Variants in TMCO4 observed in about 807,000 individuals in gnomAD.
TMCO4 encodes transmembrane and coiled-coil domains 4.
TMCO4 carries 58 observed loss-of-function variants against 64.7 expected under a neutral mutation model. The ratio of observed to expected loss-of-function variants is 0.90; its 90% CI spans 0.73 to 1.12. The LOEUF (loss-of-function observed/expected upper bound fraction) is 1.12. TMCO4 is among the 50% of genes most tolerant of loss of function. The pLI, the probability that TMCO4 is intolerant of heterozygous loss-of-function variation, is 0.00. For synonymous variants in TMCO4, 325 were observed against 346.1 expected, an observed-to-expected ratio of 0.94 and a Z score of 0.68; for missense variants, 780 against 825.9, an observed-to-expected ratio of 0.94 and a Z score of 0.68.
chr1:19,780,484 C>T, intron 4 of TMCO4, 96 bp downstream of exon 4: 1 of 1,422,830 alleles, frequency 7.0e-7, no homozygotes, highest in Non-Finnish European at 9.4e-7. Flanking sequence ...TTGCCCCTCT[C>T]TGCATTGCCT....
intron 14 of TMCO4, among the ~76,000 whole-genome samples, chr1:19,697,790 T>C (rs1463540036): frequency 6.6e-6 from 1 of 150,912 alleles, no homozygotes; most frequent in Non-Finnish European, 1.5e-5. Flanking sequence ...TTTTTTTTTT[T>C]TGTGGACACA....
Position 19,712,208 on chromosome 1 carries a change from C to T in TMCO4, c.1265-11323G>A, listed in dbSNP as rs141240001. On this transcript the variant is annotated intron_variant, in intron 13 of 15. Coordinates refer to ENST00000294543, the MANE Select transcript of TMCO4 (RefSeq NM_181719.7). ...GGGGAACAGCCAGCTGGTGGAGCAT[C>T]GGAACACACACAACATTTACTAAGT... 6.8e-3 allele frequency among the ~76,000 whole-genome samples: 1,040 copies of T among 152,288 alleles called. 18 individuals are homozygous for T. The highest frequency in any genetic ancestry group is 0.023 in the African/African-American group (955 of 41,548).
At chr1:19,796,838 G>T (rs1319830037) in intron 2 of TMCO4, among the ~76,000 whole-genome samples, 1 of 152,170 alleles carries the variant, frequency 6.6e-6, no homozygotes, top group Non-Finnish European at 1.5e-5. Flanking sequence ...CTCCCAAAAT[G>T]CTGGGATTAC....
In TMCO4 at chr1:19,682,993, A is replaced by G. The variant is rs1277498388; in HGVS notation, c.*47T>C. The G allele has an allele frequency of 2.0e-6, 3 of 1,525,594 alleles. No individual in the cohort carries two copies. The highest frequency in any genetic ancestry group is 2.6e-6 in the Non-Finnish European group (3 of 1,140,182). 94.5% of individuals were successfully genotyped at this position (1,525,594 alleles called of 1,614,324 possible). A position where few individuals can be genotyped will look rare whatever the true frequency, so the allele number is the denominator to read the frequency against. On this transcript the variant is annotated 3_prime_UTR_variant, in exon 16 of 16. Transcript: ENST00000294543. ...GGAGGAACCCGAGGGTATAAGAGAGAGCTGCATATGGAGACTGGGGAAGAC... is the reference window on the plus strand; with the variant it reads ...GGAGGAACCCGAGGGTATAAGAGAGGGCTGCATATGGAGACTGGGGAAGAC...
At chr1:19,724,047 G>A (rs750894947) in intron 13 of TMCO4, among the ~76,000 whole-genome samples, 15 of 152,186 alleles carry the variant, frequency 9.9e-5, no homozygotes, top group South Asian at 2.1e-4. Flanking sequence ...AAAGGCAGTC[G>A]GCAGGCTAAG....
intron 13 of TMCO4, among the ~76,000 whole-genome samples, chr1:19,705,616 G>A (rs7547979): frequency 0.021 from 3,144 of 151,850 alleles, 101 homozygotes; most frequent in African/African-American, 0.072. Flanking sequence ...TGGGTGGCAT[G>A]TGGCCAGCAG....
intron 6 of TMCO4, among the ~76,000 whole-genome samples, chr1:19,763,353 C>T (rs2042588719): frequency 6.6e-6 from 1 of 152,206 alleles, no homozygotes; most frequent in African/African-American, 2.4e-5. Context: ...GGGATTGTTA[C>T]AGGCGTGAGC....
intron 6 of TMCO4, among the ~76,000 whole-genome samples, chr1:19,759,646 C>G (rs1307650052): frequency 6.6e-6 from 1 of 152,202 alleles, no homozygotes; most frequent in Non-Finnish European, 1.5e-5. Context: ...GTTCCTGCCC[C>G]AGATCTCTGC....
Position 19,743,118 on chromosome 1 carries a change from C to T in TMCO4, c.878-2177G>A, listed in dbSNP as rs796992574. 3.2e-4 allele frequency among the ~76,000 whole-genome samples: 48 copies of T among 152,290 alleles called. No homozygotes were observed. The highest frequency in any genetic ancestry group is 1.0e-3 in the African/African-American group (43 of 41,558). ...CTGTAAAGTGCTCTACTGCATTGTG[C>T]TGTCCTATGGCCAAGAATATGGGCT... On this transcript the variant is annotated intron_variant, in intron 10 of 15. Transcript: ENST00000294543. This position sits in a 1 kb window ranked among gnomAD's most constrained non-coding sequence, Gnocchi z 4.1.
At chr1:19,773,518 G>A (rs1570983608) in intron 4 of TMCO4, among the ~76,000 whole-genome samples, 3 of 152,292 alleles carry the variant, frequency 2.0e-5, no homozygotes, top group South Asian at 4.1e-4. Context: ...AGAACCTCAG[G>A]CAACGTGGCT....
At chr1:19,796,543 C>T (rs1331056106) in intron 2 of TMCO4, among the ~76,000 whole-genome samples, 3 of 152,032 alleles carry the variant, frequency 2.0e-5, no homozygotes, top group East Asian at 3.9e-4. Flanking sequence ...CCTCCACTCC[C>T]GCCTCTAACC....
At chr1:19,765,157 C>T (rs987499410) in intron 6 of TMCO4, among the ~76,000 whole-genome samples, 20 of 152,252 alleles carry the variant, frequency 1.3e-4, no homozygotes, top group African/African-American at 3.4e-4. Flanking sequence ...ACAGAGTTCA[C>T]GGTGAGATTC....
At chr1:19,739,247 C>A (rs928367870) in intron 12 of TMCO4, among the ~76,000 whole-genome samples, 1 of 152,174 alleles carries the variant, frequency 6.6e-6, no homozygotes, top group Non-Finnish European at 1.5e-5. Flanking sequence ...TTGGTAAGTA[C>A]ATCTTTACTA....
At position 19,747,256 on chromosome 1, in the gene TMCO4, C is replaced by G. The variant is rs202018647; in HGVS notation, c.520G>C (p.Ala174Pro). 3 of 1,613,140 alleles carry G rather than the reference C, an allele frequency of 1.9e-6. No individual in the cohort carries two copies. The highest frequency in any genetic ancestry group is 1.7e-6 in the Non-Finnish European group (2 of 1,179,738). Residue 174 changes from alanine to proline, a missense_variant, in exon 8 of 16, where the codon GCC (alanine) becomes CCC (proline). Ala to Pro is a conservative substitution (Grantham distance 27). Transcript: ENST00000294543. Reference sequence around the variant, plus strand: ...TCTTTCTTCTTTCGGGATGCCTCGGCCATTCTGAGGGAAAAGAGGCTGGTC... The same window carrying G: ...TCTTTCTTCTTTCGGGATGCCTCGGGCATTCTGAGGGAAAAGAGGCTGGTC... ...KEIKEEESEM[A>P]EASRKKKENR...
At chr1:19,777,304 G>T (rs1170234734) in intron 4 of TMCO4, among the ~76,000 whole-genome samples, 1 of 151,742 alleles carries the variant, frequency 6.6e-6, no homozygotes, top group Non-Finnish European at 1.5e-5. Context: ...TTGTGATCAG[G>T]AGGGGAAGGC....
intron 4 of TMCO4, among the ~76,000 whole-genome samples, chr1:19,775,152 C>A (rs1289399908): frequency 6.6e-6 from 1 of 152,162 alleles, no homozygotes; most frequent in Admixed American, 6.5e-5. Flanking sequence ...GCATCCTCTG[C>A]CTCCCAGGTT....
rs111924538 is a variant in TMCO4, at chr1:19,732,822, G to A, written c.1264+4550C>T. 1.6e-3 allele frequency among the ~76,000 whole-genome samples: 251 copies of A among 152,242 alleles called. 1 individual carries two copies. Among genetic ancestry groups the A allele is most frequent in the Non-Finnish European group, 3.0e-3 (203 of 68,010 alleles). ...AATGCCAGCTGCACTTTTGTCCACC[G>A]GGTTCATCTTGGAGTCAGATTCCTA... On this transcript the variant is annotated intron_variant, in intron 13 of 15. Transcript: ENST00000294543. This position sits in a 1 kb window ranked among gnomAD's most constrained non-coding sequence, Gnocchi z 4.8.
intron 3 of TMCO4, 60 bp downstream of exon 3, chr1:19,786,963 AAAG>A (rs1315608401): frequency 1.3e-5 from 2 of 152,204 alleles, no homozygotes; most frequent in East Asian, 3.9e-4. Context: ...GTGAACTCAG[AAAG>A]AAGACCATTT....
At chr1:19,684,266 G>C (rs2095129855) in intron 15 of TMCO4, among the ~76,000 whole-genome samples, 1 of 151,886 alleles carries the variant, frequency 6.6e-6, no homozygotes, top group Admixed American at 6.6e-5. Context: ...CTGAGTAGCT[G>C]GGATTACACG....
Sources: allele counts gnomAD v4.1 joint callset (sites outside exome capture counted in the v4.1 genomes callset), GRCh38; gene constraint gnomAD v4.1.1; non-coding constraint Gnocchi (gnomAD v3.1); transcripts MANE v1.5; gene names NCBI Gene and HGNC (gene_info 2026-07-23, HGNC 2026-07-21).